ARID5B: variants seen among roughly 807,000 people sequenced by gnomAD.
ARID5B encodes the protein AT-rich interaction domain 5B, also known as AT-rich interactive domain-containing protein 5B.
In ARID5B, 13 loss-of-function variants were observed where a neutral mutation model predicts 97.2. That is an observed-to-expected ratio of 0.13 (90% CI 0.09 to 0.21). ARID5B has a LOEUF of 0.21. Among genes scored for constraint, ARID5B ranks in the 10% least tolerant of loss-of-function variants. ARID5B has a pLI of 1.00. For synonymous variants in ARID5B, 556 were observed against 570.3 expected (o/e 0.97, Z 0.36); for missense variants, 1,210 against 1,465.3 (o/e 0.83, Z 2.84).
intron 4 of ARID5B, among the ~76,000 whole-genome samples, chr10:62,002,133 A>G (rs1406929918): frequency 6.6e-6 from 1 of 152,220 alleles, no homozygotes; most frequent in Admixed American, 6.5e-5. Context: ...TAATATGAGG[A>G]AAAAAATGTT....
intron 8 of ARID5B, among the ~76,000 whole-genome samples, chr10:62,071,069 C>T (rs1182934963): frequency 2.2e-5 from 3 of 135,842 alleles, no homozygotes; most frequent in African/African-American, 8.3e-5. Context: ...CGGAGTCTTC[C>T]TCTGTCACCA....
intron 2 of ARID5B, 141 bp downstream of exon 2, chr10:61,902,554 T>A: frequency 8.6e-7 from 1 of 1,165,930 alleles, no homozygotes; most frequent in South Asian, 1.5e-5. Flanking sequence ...GTAGCGCCAC[T>A]AGCTGGGGCT....
At chr10:62,016,449 A>G (rs1019251437) in intron 4 of ARID5B, among the ~76,000 whole-genome samples, 2 of 152,264 alleles carry the variant, frequency 1.3e-5, no homozygotes, top group Admixed American at 6.5e-5. Flanking sequence ...CCATCAATTG[A>G]GATGCCACCA....
At chr10:61,927,971 T>C (rs958526457) in intron 2 of ARID5B, among the ~76,000 whole-genome samples, 4 of 152,170 alleles carry the variant, frequency 2.6e-5, no homozygotes, top group Non-Finnish European at 5.9e-5. Flanking sequence ...CCCTGGGCAC[T>C]GTGGTTTCCG....
intron 4 of ARID5B, among the ~76,000 whole-genome samples, chr10:62,040,434 A>T (rs1455304234): frequency 6.6e-6 from 1 of 152,160 alleles, no homozygotes; most frequent in Admixed American, 6.5e-5. Flanking sequence ...TCTTAAATGT[A>T]TTGAAACATT....
chr10:62,091,797 G>A lies in ARID5B; in HGVS notation c.2334G>A (p.Leu778=). ...TINDIFKHEK[L]SRSDPHRCSF... ...ATGACATCTTTAAGCATGAGAAACT[G>A]AGTCGATCAGATCCCCACCGCTGCA... The change falls in exon 10 of 10, where the codon CTG becomes CTA. Residue 778 remains leucine, a synonymous_variant. Coordinates refer to ENST00000279873, the MANE Select transcript of ARID5B (RefSeq NM_032199.3). 6.2e-7 allele frequency: 1 copy of A among 1,614,070 alleles called. No homozygotes were observed.
At chr10:61,909,988 G>C (rs980465809) in intron 2 of ARID5B, among the ~76,000 whole-genome samples, 2 of 152,190 alleles carry the variant, frequency 1.3e-5, no homozygotes, top group Non-Finnish European at 1.5e-5. Flanking sequence ...CCTATGAAAA[G>C]ACTAGACTTC....
At position 62,091,061 on chromosome 10, in the gene ARID5B, C is replaced by T. The variant is rs746755575; in HGVS notation, c.1598C>T (p.Ala533Val). 1.3e-5 allele frequency: 21 copies of T among 1,613,838 alleles called. No homozygotes were observed. The highest frequency in any genetic ancestry group is 6.7e-5 in the Admixed American group (4 of 59,966). The change falls in exon 10 of 10, where the codon GCG (alanine) becomes GTG (valine). Residue 533 changes from alanine (A) to valine (V), a missense_variant. Physicochemically the swap from Ala to Val is moderately conservative, Grantham distance 64 (BLOSUM62 0). This residue lies in a region of ARID5B where 800 missense variants were observed against 839.1 expected (regional missense o/e 0.95). Coordinates refer to ENST00000279873, the MANE Select transcript of ARID5B (RefSeq NM_032199.3). Reference protein sequence around the residue: ...GSNSEKVAEEAGEKGPTPPLP... With the variant: ...GSNSEKVAEEVGEKGPTPPLP... ...AACAGTGAGAAGGTGGCAGAGGAGG[C>T]GGGAGAGAAGGGGCCCACACCTCCA...
intron 4 of ARID5B, among the ~76,000 whole-genome samples, chr10:62,033,008 A>G (rs1018649906): frequency 5.9e-5 from 9 of 152,212 alleles, no homozygotes; most frequent in Non-Finnish European, 1.0e-4. Context: ...CCTTCCTGAA[A>G]GATAAGTTTG....
At chr10:61,946,883 T>C (rs756905495) in intron 3 of ARID5B, among the ~76,000 whole-genome samples, 12 of 152,108 alleles carry the variant, frequency 7.9e-5, no homozygotes, top group Non-Finnish European at 1.6e-4. Context: ...ATCACATCAC[T>C]GCACCCCAGC....
chr10:62,029,829 A>C (rs774617609), intron 4 of ARID5B, among the ~76,000 whole-genome samples: 3 of 152,264 alleles, frequency 2.0e-5, no homozygotes, highest in Non-Finnish European at 2.9e-5. Context: ...TGAAATATCA[A>C]AAACAAAGTG....
chr10:61,937,491 G>A (rs551006661), intron 2 of ARID5B, among the ~76,000 whole-genome samples: 89 of 152,248 alleles, frequency 5.8e-4, no homozygotes, highest in South Asian at 1.4e-3. Context: ...ATGACGAAAG[G>A]GGATAAGGAC....
At chr10:61,971,174 T>A (rs1838622105) in intron 3 of ARID5B, among the ~76,000 whole-genome samples, 1 of 152,338 alleles carries the variant, frequency 6.6e-6, no homozygotes, top group African/African-American at 2.4e-5. Context: ...ACCTCATTTG[T>A]AGGAAAAAAA....
In ARID5B at chr10:62,086,472, C is replaced by T. The variant is rs1255978408; in HGVS notation, c.1398+572C>T. On this transcript the variant is annotated intron_variant, in intron 9 of 9. Transcript: ENST00000279873. Reference sequence around the variant, plus strand: ...ATCCCAGCACTTTGGGAGGCTGAGGCGGGCGGATCACAAGGTCAGGAGATG... The same window carrying T: ...ATCCCAGCACTTTGGGAGGCTGAGGTGGGCGGATCACAAGGTCAGGAGATG... Among the ~76,000 whole-genome samples, 5 of 151,970 alleles carry T rather than the reference C, an allele frequency of 3.3e-5. No individual in the cohort carries two copies. The South Asian group carries it at 8.3e-4, about 25-fold the overall frequency.
At chr10:61,966,446 A>G (rs1346568711) in intron 3 of ARID5B, among the ~76,000 whole-genome samples, 1 of 152,102 alleles carries the variant, frequency 6.6e-6, no homozygotes, top group Non-Finnish European at 1.5e-5. Context: ...AATTCAATCT[A>G]ATTTTATTTG....
intron 2 of ARID5B, among the ~76,000 whole-genome samples, chr10:61,933,899 G>T (rs1844254519): frequency 6.6e-6 from 1 of 152,236 alleles, no homozygotes; most frequent in Non-Finnish European, 1.5e-5. Context: ...GTCCTCTGAA[G>T]CTTTGAAGCT....
At chr10:61,908,111 AT>A (rs1470057580) in intron 2 of ARID5B, among the ~76,000 whole-genome samples, 1 of 152,254 alleles carries the variant, frequency 6.6e-6, no homozygotes, top group East Asian at 1.9e-4. Context: ...GGACATTAAA[AT>A]TTGAGAATGA....
At chr10:61,944,951 C>T (rs980470287) in intron 3 of ARID5B, among the ~76,000 whole-genome samples, 3 of 152,140 alleles carry the variant, frequency 2.0e-5, no homozygotes, top group African/African-American at 4.8e-5. Flanking sequence ...ATGGGGGTTC[C>T]CTCAGTTCAA....
chr10:62,004,380 T>C (rs796353494), intron 4 of ARID5B, among the ~76,000 whole-genome samples: 13 of 152,338 alleles, frequency 8.5e-5, no homozygotes, highest in African/African-American at 3.1e-4. Context: ...CACAAGAGAA[T>C]TGACTATTTT....
Sources: gnomAD v4.1 joint callset for allele counts (sites outside exome capture counted in the v4.1 genomes callset) on GRCh38, gnomAD v4.1.1 for gene constraint, gnomAD v4.1.1 regional missense constraint, MANE v1.5 for transcripts, NCBI Gene and HGNC (gene_info 2026-07-23, HGNC 2026-07-21) for gene names.